The following CSMD1 variants were observed in gnomAD, a reference collection of about 807,000 sequenced individuals.
CSMD1 encodes the protein CUB and Sushi multiple domains 1, also known as CUB and sushi domain-containing protein 1.
In CSMD1, 213 loss-of-function variants were observed where a neutral mutation model predicts 417.5. That is an observed-to-expected ratio of 0.51 (90% confidence interval 0.46 to 0.57). The LOEUF is 0.57. CSMD1 is among the 20% of genes least tolerant of loss of function. The pLI is 0.00. For missense variants in CSMD1, 6,923 were observed against 4,529.7 expected (o/e 1.53, Z -15.17); for synonymous variants, 2,862 against 1,736.8 (o/e 1.65, Z -16.11).
intron 12 of CSMD1, among the ~76,000 whole-genome samples, chr8:3,445,133 A>G (rs1366871858): frequency 6.6e-6 from 1 of 152,246 alleles, no homozygotes; most frequent in African/African-American, 2.4e-5. Flanking sequence ...AAACTAATAT[A>G]CTTACAACCT....
chr8:4,269,316 G>A (rs776613416), intron 3 of CSMD1, among the ~76,000 whole-genome samples: 40 of 152,076 alleles, frequency 2.6e-4, no homozygotes, highest in Non-Finnish European at 5.0e-4. Flanking sequence ...CACCCGCACT[G>A]GCCTCCCCCA....
At chr8:3,752,330 T>A (rs1797382555) in intron 6 of CSMD1, among the ~76,000 whole-genome samples, 1 of 152,046 alleles carries the variant, frequency 6.6e-6, no homozygotes. Context: ...GAAGGCAATC[T>A]AAGATGGACA....
intron 1 of CSMD1, among the ~76,000 whole-genome samples, chr8:4,731,432 G>C (rs1374741864): frequency 1.3e-5 from 2 of 152,126 alleles, no homozygotes; most frequent in Non-Finnish European, 2.9e-5. Context: ...GAGTATCTTG[G>C]TCATTTATAA....
chr8:4,854,015 T>C (rs566312744), intron 1 of CSMD1, among the ~76,000 whole-genome samples: 19 of 152,238 alleles, frequency 1.2e-4, no homozygotes, highest in Non-Finnish European at 1.9e-4. Context: ...AACACAATTG[T>C]ATCTTGGAAG....
intron 10 of CSMD1, among the ~76,000 whole-genome samples, chr8:3,550,899 A>C (rs1356622118): frequency 6.6e-6 from 1 of 152,162 alleles, no homozygotes; most frequent in Non-Finnish European, 1.5e-5. Context: ...TCCACTCGAA[A>C]ATAGGAGTAT....
chr8:4,318,998 T>A (rs762347367), intron 3 of CSMD1, among the ~76,000 whole-genome samples: 3 of 152,196 alleles, frequency 2.0e-5, no homozygotes, highest in Non-Finnish European at 4.4e-5. Flanking sequence ...TTAAACAGCT[T>A]GAGGCCTTAA....
At chr8:4,338,875 G>C (rs1417047530) in intron 3 of CSMD1, among the ~76,000 whole-genome samples, 1 of 152,098 alleles carries the variant, frequency 6.6e-6, no homozygotes, top group Non-Finnish European at 1.5e-5. Flanking sequence ...GGAAGGTTTA[G>C]AAGAGAACCT....
At chr8:3,983,487 G>C (rs950093694) in intron 5 of CSMD1, among the ~76,000 whole-genome samples, 2 of 152,136 alleles carry the variant, frequency 1.3e-5, no homozygotes, top group Non-Finnish European at 2.9e-5. Context: ...CAAGTCATGA[G>C]GAAAATATAC....
chr8:3,829,017 TC>T (rs1802216485), intron 5 of CSMD1, among the ~76,000 whole-genome samples: 1 of 151,890 alleles, frequency 6.6e-6, no homozygotes, highest in Non-Finnish European at 1.5e-5. Context: ...CAATCACCTT[TC>T]TTTTTTTTTA....
chr8:4,173,774 T>C (rs560394425), intron 3 of CSMD1, among the ~76,000 whole-genome samples: 1 of 152,114 alleles, frequency 6.6e-6, no homozygotes, highest in Non-Finnish European at 1.5e-5. Flanking sequence ...AAGTAACTCA[T>C]TCTATGACTC....
chr8:3,063,771 G>A (rs562094734), intron 49 of CSMD1, among the ~76,000 whole-genome samples: 1 of 152,312 alleles, frequency 6.6e-6, no homozygotes, highest in South Asian at 2.1e-4. Context: ...GGTGCCTAGA[G>A]TAGTTGAATT....
intron 2 of CSMD1, among the ~76,000 whole-genome samples, chr8:4,465,687 G>T (rs1023572749): frequency 2.0e-5 from 3 of 152,172 alleles, no homozygotes; most frequent in African/African-American, 7.2e-5. Context: ...TTATTGCTCT[G>T]ACCATTAAAG....
At chr8:3,907,026 G>C (rs975738717) in intron 5 of CSMD1, among the ~76,000 whole-genome samples, 1 of 152,110 alleles carries the variant, frequency 6.6e-6, no homozygotes, top group Non-Finnish European at 1.5e-5. Flanking sequence ...TCATAGATGA[G>C]AAAAATGGCT....
chr8:4,046,351 T>C (rs1249925499), intron 3 of CSMD1, among the ~76,000 whole-genome samples: 2 of 152,206 alleles, frequency 1.3e-5, no homozygotes, highest in Non-Finnish European at 2.9e-5. Context: ...CTCAATGTTA[T>C]CATTATAAAC....
intron 7 of CSMD1, among the ~76,000 whole-genome samples, chr8:3,625,238 G>C (rs933765170): frequency 1.3e-5 from 2 of 152,152 alleles, no homozygotes; most frequent in African/African-American, 2.4e-5. Context: ...AGCAACATTA[G>C]AAGCTTTAAA....
chr8:4,792,036 G>C (rs1443757558), intron 1 of CSMD1, among the ~76,000 whole-genome samples: 1 of 151,878 alleles, frequency 6.6e-6, no homozygotes, highest in East Asian at 1.9e-4. Flanking sequence ...CTAGAAAAGT[G>C]GTGACATTCT....
intron 1 of CSMD1, among the ~76,000 whole-genome samples, chr8:4,925,227 T>TG (rs1276246961): frequency 1.4e-5 from 2 of 138,722 alleles, no homozygotes; most frequent in African/African-American, 5.3e-5. Context: ...TTTTTTTTTT[T>TG]TTTTTTTTTT....
intron 8 of CSMD1, among the ~76,000 whole-genome samples, chr8:3,594,566 C>G (rs549429950): frequency 3.3e-5 from 5 of 152,308 alleles, no homozygotes; most frequent in African/African-American, 1.2e-4. Context: ...ACCATGGAGG[C>G]TATCTCCTAC....
chr8:3,558,896 T>G lies in CSMD1; in HGVS notation c.1344+16049A>C, dbSNP rs141838106. On this transcript the variant is annotated intron_variant, in intron 10 of 69. Coordinates refer to ENST00000635120, the MANE Select transcript of CSMD1 (RefSeq NM_033225.6). Reference sequence around the variant, plus strand: ...CCGCCCTGTAGTTGCTCAAGGTGTCTGAAAAGGAAAGCGTCCTGGGGCAGC... The same window carrying G: ...CCGCCCTGTAGTTGCTCAAGGTGTCGGAAAAGGAAAGCGTCCTGGGGCAGC... 1.4e-4 allele frequency among the ~76,000 whole-genome samples: 22 copies of G among 152,240 alleles called. No homozygotes were observed. The East Asian group carries it at 3.1e-3, about 21-fold the overall frequency.
Sources: allele counts gnomAD v4.1 joint callset (sites outside exome capture counted in the v4.1 genomes callset), GRCh38; gene constraint gnomAD v4.1.1; transcripts MANE v1.5; gene names NCBI Gene and HGNC (gene_info 2026-07-23, HGNC 2026-07-21).